Variants in KIF26B observed in about 807,000 individuals in gnomAD.
KIF26B encodes kinesin family member 26B.
KIF26B carries 63 observed loss-of-function variants against 151.2 expected under a neutral mutation model. The observed-to-expected ratio is 0.42, with a 90% CI of 0.34 to 0.51. The LOEUF (loss-of-function observed/expected upper bound fraction) is 0.51, where lower values mean the gene tolerates loss of function less well. Ranked by LOEUF, KIF26B falls within the 20% of genes least tolerant of loss-of-function variation. The pLI is 0.07. For missense variants in KIF26B, 2,813 were observed against 2,913.6 expected (o/e 0.97, Z 0.79); for synonymous variants, 1,357 against 1,262.1 (o/e 1.08, Z -1.59).
chr1:245,270,191 CTTCTTTT>C (rs879576449), intron 2 of KIF26B, among the ~76,000 whole-genome samples: 3,749 of 103,412 alleles, frequency 0.036, 99 homozygotes, highest in Middle Eastern at 0.071. Context: ...TCCATTCCTT[CTTCTTTT>C]CCCTTCCCTT....
intron 4 of KIF26B, among the ~76,000 whole-genome samples, chr1:245,480,326 G>A (rs1358394502): frequency 1.3e-5 from 2 of 151,554 alleles, no homozygotes; most frequent in South Asian, 4.2e-4. Flanking sequence ...GTGGGATTGG[G>A]CATGGTACCT....
rs1672977195 is a variant in KIF26B at position 245,367,143 on chromosome 1, G to T, written c.775G>T (p.Gly259Cys). 6.2e-7 allele frequency: 1 copy of T among 1,601,846 alleles called. No individual in the cohort carries two copies. The highest frequency in any genetic ancestry group is 1.1e-5 in the South Asian group (1 of 88,868). Residue 259 changes from glycine (G) to cysteine (C), a missense_variant, in exon 3 of 15, where the codon GGC becomes TGC. By Grantham distance (159) the Gly-to-Cys change is radical. Around this residue, in one of 3 missense-constraint regions of KIF26B, gnomAD observed 676 missense variants for 688.1 expected, o/e 0.98. Coordinates refer to ENST00000407071, the MANE Select transcript of KIF26B (RefSeq NM_018012.4). This position sits in a 1 kb window ranked among gnomAD's most constrained non-coding sequence, Gnocchi z 4.2. Reference protein sequence around the residue: ...PAPCATSNYTGFANKHGSKPS... With the variant: ...PAPCATSNYTCFANKHGSKPS... ...CCCCTGTGCCACCTCCAACTACACA[G>T]GCTTCGCCAACAAGCACGGCAGCAA...
At chr1:245,161,177 A>G (rs764344164) in intron 2 of KIF26B, among the ~76,000 whole-genome samples, 2 of 152,200 alleles carry the variant, frequency 1.3e-5, no homozygotes, top group Non-Finnish European at 2.9e-5. Context: ...GTCCTACAGC[A>G]TTTATCATTT....
intron 3 of KIF26B, among the ~76,000 whole-genome samples, chr1:245,378,646 G>A (rs1673331430): frequency 6.6e-6 from 1 of 152,186 alleles, no homozygotes; most frequent in South Asian, 2.1e-4. Flanking sequence ...AGCAGGCCAA[G>A]GGGGAAACAA....
intron 4 of KIF26B, among the ~76,000 whole-genome samples, chr1:245,491,841 G>A (rs1660414979): frequency 6.6e-6 from 1 of 152,108 alleles, no homozygotes; most frequent in South Asian, 2.1e-4. Flanking sequence ...CTGGGAGGTG[G>A]AGGTTGCAGT....
intron 7 of KIF26B, among the ~76,000 whole-genome samples, chr1:245,608,602 G>T (rs997439491): frequency 1.3e-5 from 2 of 152,140 alleles, no homozygotes; most frequent in Admixed American, 1.3e-4. Flanking sequence ...GACTTAATCT[G>T]GGGGGTAACT....
chr1:245,676,877 A>G (rs2044362894), intron 10 of KIF26B, among the ~76,000 whole-genome samples: 1 of 152,132 alleles, frequency 6.6e-6, no homozygotes, highest in African/African-American at 2.4e-5. Flanking sequence ...ACGGGGAACC[A>G]TCACTTCTCT....
Position 245,681,027 on chromosome 1 carries a change from C to A in KIF26B, c.2259-3206C>A, listed in dbSNP as rs564138231. Among the ~76,000 whole-genome samples, 66 of 152,094 alleles carry A rather than the reference C, an allele frequency of 4.3e-4. No individual in the cohort carries two copies. In the South Asian group the frequency reaches 0.014, roughly 32 times the overall value. On this transcript the variant is annotated intron_variant, in intron 10 of 14. Transcript: ENST00000407071. ...CTAAGCACAGGAAGGCTGTGATGTG[C>A]CTTATGGAGAAAATCCATGTGTTAG...
chr1:245,647,438 A>G (rs111692973), intron 10 of KIF26B, among the ~76,000 whole-genome samples: 6 of 149,794 alleles, frequency 4.0e-5, no homozygotes, highest in Non-Finnish European at 7.4e-5. Context: ...AAAAAAAAAA[A>G]AAAAAGAAAA....
chr1:245,696,553 C>T (rs1032956271), intron 12 of KIF26B, among the ~76,000 whole-genome samples: 3 of 152,126 alleles, frequency 2.0e-5, no homozygotes, highest in African/African-American at 7.2e-5. Context: ...TACACAGCAG[C>T]CATTTGGAAG....
intron 4 of KIF26B, among the ~76,000 whole-genome samples, chr1:245,423,567 G>A (rs1658547683): frequency 6.6e-6 from 1 of 151,998 alleles, no homozygotes; most frequent in Non-Finnish European, 1.5e-5. Context: ...TTGAGAAGGT[G>A]AGTAGAATGA....
rs1486431184 is a variant in KIF26B, at chr1:245,572,500, C to T, written c.1351-30077C>T. On this transcript the variant is annotated intron_variant, in intron 5 of 14. Coordinates refer to ENST00000407071, the MANE Select transcript of KIF26B (RefSeq NM_018012.4). The surrounding 1 kb of genome is among the most constrained non-coding windows in gnomAD (Gnocchi z 4.2). ...GCACGGTATCCTGCGCTGCTAGCAC[C>T]GTAGCCATCACTGACCTCAGGACCC... is the stretch of plus-strand genomic sequence containing the variant. 2.0e-5 allele frequency among the ~76,000 whole-genome samples: 3 copies of T among 152,060 alleles called. No individual in the cohort carries two copies. Among genetic ancestry groups the T allele is most frequent in the African/African-American group, 7.2e-5 (3 of 41,384 alleles).
chr1:245,541,715 A>G (rs1171815971), intron 5 of KIF26B, among the ~76,000 whole-genome samples: 1 of 152,192 alleles, frequency 6.6e-6, no homozygotes, highest in Non-Finnish European at 1.5e-5. Flanking sequence ...CTGGTCCTTT[A>G]CAGACTTATC....
chr1:245,542,879 C>CT (rs1192417998), intron 5 of KIF26B, among the ~76,000 whole-genome samples: 2 of 152,196 alleles, frequency 1.3e-5, no homozygotes, highest in Non-Finnish European at 2.9e-5. Flanking sequence ...TGAAATCAAG[C>CT]TGTCAGTGCA....
At chr1:245,370,371 T>C (rs1673083990) in intron 3 of KIF26B, among the ~76,000 whole-genome samples, 1 of 151,864 alleles carries the variant, frequency 6.6e-6, no homozygotes, top group African/African-American at 2.4e-5. Context: ...GTTTTTGTCA[T>C]TACTTTCAAT....
At chr1:245,356,106 G>A (rs1672690083) in intron 2 of KIF26B, among the ~76,000 whole-genome samples, 1 of 152,178 alleles carries the variant, frequency 6.6e-6, no homozygotes, top group Non-Finnish European at 1.5e-5. Context: ...ACTCTGCGCA[G>A]GGGGCGTGGT....
chr1:245,625,693 T>A (rs1430987099), intron 9 of KIF26B, among the ~76,000 whole-genome samples: 4 of 152,200 alleles, frequency 2.6e-5, no homozygotes, highest in African/African-American at 9.7e-5. Context: ...AGCCTCCTAC[T>A]GTGCTATCAA....
intron 2 of KIF26B, among the ~76,000 whole-genome samples, chr1:245,338,190 T>C (rs1672272412): frequency 6.6e-6 from 1 of 152,222 alleles, no homozygotes; most frequent in Non-Finnish European, 1.5e-5. Context: ...ATGAAGTTAC[T>C]CTAGCAAGAT....
rs2044818457 is a variant in KIF26B at position 245,704,728 on chromosome 1, T to C, written c.*2122T>C. ...CAGTCGCATGCTCTGGGCTCGCCTC[T>C]GGCCTCAAAGCACTTGTGTAAGTGG... is the stretch of plus-strand genomic sequence containing the variant. On this transcript the variant is annotated 3_prime_UTR_variant, in exon 15 of 15. Transcript: ENST00000407071. 1 of 152,286 alleles carries C rather than the reference T, an allele frequency of 6.6e-6. No homozygotes were observed. Among genetic ancestry groups the C allele is most frequent in the South Asian group, 2.1e-4 (1 of 4,828 alleles). 9.4% of individuals were successfully genotyped at this position (152,286 alleles called of 1,614,324 possible). A position where few individuals can be genotyped will look rare whatever the true frequency, so the allele number is the denominator to read the frequency against.
Sources: gnomAD v4.1 joint callset for allele counts (sites outside exome capture counted in the v4.1 genomes callset) on GRCh38, gnomAD v4.1.1 for gene constraint, gnomAD v4.1.1 regional missense constraint, Gnocchi (gnomAD v3.1) non-coding constraint, MANE v1.5 for transcripts, NCBI Gene and HGNC (gene_info 2026-07-23, HGNC 2026-07-21) for gene names.